FGF14: variants seen among roughly 807,000 people sequenced by gnomAD.
The protein encoded by FGF14 is fibroblast growth factor homologous factor 4.
In FGF14, 5 loss-of-function variants were observed where a neutral mutation model predicts 25.5. The observed-to-expected ratio is 0.20, with a 90% CI of 0.10 to 0.41. The LOEUF (loss-of-function observed/expected upper bound fraction) is 0.41. FGF14 is among the 10% of genes least tolerant of loss of function. The pLI is 1.00. For synonymous variants in FGF14, 138 were observed against 118.3 expected, an observed-to-expected ratio of 1.17 and a Z score of -1.08; for missense variants, 222 against 320.1, an observed-to-expected ratio of 0.69 and a Z score of 2.34.
intron 1 of FGF14, among the ~76,000 whole-genome samples, chr13:102,272,618 A>T (rs184645062): frequency 6.6e-6 from 1 of 152,312 alleles, no homozygotes; most frequent in African/African-American, 2.4e-5. Context: ...TAATTTATTT[A>T]TTTTAAATAA....
At chr13:101,802,403 T>A in intron 3 of FGF14, 1 of 216,666 alleles carries the variant, frequency 4.6e-6, no homozygotes, top group Non-Finnish European at 9.2e-6. Context: ...AAGAGGAAGA[T>A]GAAGAAAACA....
chr13:102,349,220 A>G (rs2057202484), intron 1 of FGF14, among the ~76,000 whole-genome samples: 1 of 152,216 alleles, frequency 6.6e-6, no homozygotes, highest in Non-Finnish European at 1.5e-5. Flanking sequence ...CCCGGAAACT[A>G]CATTCACACC....
intron 3 of FGF14, among the ~76,000 whole-genome samples, chr13:101,746,338 C>T (rs1314799664): frequency 6.6e-6 from 1 of 151,964 alleles, no homozygotes; most frequent in East Asian, 1.9e-4. Flanking sequence ...AGATGAAAAC[C>T]TATGCCCCAA....
At chr13:101,892,678 C>T (rs2029928443) in intron 1 of FGF14, among the ~76,000 whole-genome samples, 1 of 152,124 alleles carries the variant, frequency 6.6e-6, no homozygotes, top group South Asian at 2.1e-4. Context: ...GGCTGGTCTC[C>T]CCATAGTGTG....
intron 1 of FGF14, among the ~76,000 whole-genome samples, chr13:102,391,584 T>C (rs894281628): frequency 2.0e-5 from 3 of 152,224 alleles, no homozygotes; most frequent in Admixed American, 2.0e-4. Flanking sequence ...TTAACAGTCA[T>C]TATTATTTGT....
intron 1 of FGF14, among the ~76,000 whole-genome samples, chr13:102,347,186 G>A (rs919267502): frequency 1.2e-4 from 18 of 152,166 alleles, no homozygotes; most frequent in Non-Finnish European, 2.2e-4. Flanking sequence ...AGGAGAAGCA[G>A]ACCTGCCAGT....
At chr13:101,904,988 C>T (rs2032054651) in intron 1 of FGF14, among the ~76,000 whole-genome samples, 1 of 152,164 alleles carries the variant, frequency 6.6e-6, no homozygotes, top group African/African-American at 2.4e-5. Context: ...TGTAGGAAAA[C>T]TTCAATCTTG....
chr13:102,047,639 T>C (rs1028213121), intron 1 of FGF14, among the ~76,000 whole-genome samples: 2 of 151,590 alleles, frequency 1.3e-5, no homozygotes, highest in Admixed American at 1.3e-4. Flanking sequence ...CGAGAACACA[T>C]GGACACAGGA....
intron 1 of FGF14, among the ~76,000 whole-genome samples, chr13:101,905,242 C>A (rs1215206414): frequency 6.6e-6 from 1 of 152,168 alleles, no homozygotes; most frequent in Non-Finnish European, 1.5e-5. Flanking sequence ...ACTATAAAGA[C>A]ACACGCACAT....
intron 1 of FGF14, among the ~76,000 whole-genome samples, chr13:102,139,032 T>C (rs2046525603): frequency 6.6e-6 from 1 of 152,200 alleles, no homozygotes; most frequent in African/African-American, 2.4e-5. Context: ...AAATTCCCTT[T>C]GATGGTCTTG....
At chr13:102,337,653 T>C (rs1345870814) in intron 1 of FGF14, among the ~76,000 whole-genome samples, 1 of 152,142 alleles carries the variant, frequency 6.6e-6, no homozygotes, top group African/African-American at 2.4e-5. Flanking sequence ...CAGAGAAATT[T>C]CTAGTGAAAG....
At chr13:102,205,809 G>C (rs997006442) in intron 1 of FGF14, among the ~76,000 whole-genome samples, 3 of 146,848 alleles carry the variant, frequency 2.0e-5, no homozygotes, top group Non-Finnish European at 3.0e-5. Flanking sequence ...AAACAAAAAA[G>C]TAGGAGCCCC....
chr13:101,974,474 G>T (rs530259095), intron 1 of FGF14, among the ~76,000 whole-genome samples: 4 of 152,098 alleles, frequency 2.6e-5, no homozygotes, highest in African/African-American at 9.7e-5. Flanking sequence ...ATATAAACTA[G>T]CTTTAATGAC....
intron 1 of FGF14, among the ~76,000 whole-genome samples, chr13:101,996,646 T>C (rs1387291899): frequency 6.6e-6 from 1 of 152,158 alleles, no homozygotes; most frequent in South Asian, 2.1e-4. Context: ...GAGCTGACCA[T>C]TGGGAATTCA....
At chr13:102,111,498 A>G (rs1477033061) in intron 1 of FGF14, among the ~76,000 whole-genome samples, 2 of 152,148 alleles carry the variant, frequency 1.3e-5, no homozygotes, top group Admixed American at 1.3e-4. Context: ...GTAGATTGCT[A>G]GAGCACAGGA....
intron 3 of FGF14, among the ~76,000 whole-genome samples, chr13:101,819,342 T>C (rs1431989492): frequency 6.6e-6 from 1 of 152,164 alleles, no homozygotes; most frequent in Admixed American, 6.5e-5. Flanking sequence ...TAAAATATAC[T>C]CAACTGAAAG....
At position 101,817,402 on chromosome 13, in the gene FGF14, G is replaced by A. The variant is rs376613678; in HGVS notation, c.408+51323C>T. 3.9e-5 allele frequency among the ~76,000 whole-genome samples: 6 copies of A among 152,076 alleles called. No homozygotes were observed. In the East Asian group the frequency reaches 1.2e-3, roughly 29 times the overall value. ...TTAAATACAAAATTTGCTCTAAAAT[G>A]TAAACACTGATTACTTTTTTGAGAC... On this transcript the variant is annotated intron_variant, in intron 3 of 4. Coordinates refer to ENST00000376143, the MANE Select transcript of FGF14 (RefSeq NM_004115.4).
intron 3 of FGF14, among the ~76,000 whole-genome samples, chr13:101,780,732 C>T (rs2039438094): frequency 6.6e-6 from 1 of 152,056 alleles, no homozygotes; most frequent in African/African-American, 2.4e-5. Flanking sequence ...TTTGAAGGGT[C>T]TTTGTGCAGT....
intron 4 of FGF14, among the ~76,000 whole-genome samples, chr13:101,725,472 C>T (rs1393258746): frequency 6.6e-6 from 1 of 151,944 alleles, no homozygotes; most frequent in Admixed American, 6.6e-5. Context: ...AAGAGTGACA[C>T]TAAGTCAACA....
Sources: gnomAD v4.1 joint callset for allele counts (sites outside exome capture counted in the v4.1 genomes callset) on GRCh38, gnomAD v4.1.1 for gene constraint, MANE v1.5 for transcripts, NCBI Gene and HGNC (gene_info 2026-07-23, HGNC 2026-07-21) for gene names.